Variants in AGPAT4 observed in about 807,000 individuals in gnomAD.
AGPAT4 encodes 1-acylglycerol-3-phosphate O-acyltransferase 4.
Under a neutral mutation model 48.0 loss-of-function variants are expected in AGPAT4, and 15 were observed. The ratio of observed to expected loss-of-function variants is 0.31; its 90% confidence interval spans 0.21 to 0.48. AGPAT4 has a LOEUF of 0.48. Ranked by LOEUF, AGPAT4 falls within the 20% of genes least tolerant of loss-of-function variation. AGPAT4 has a pLI of 0.99. For missense variants in AGPAT4, 314 were observed against 482.5 expected, an observed-to-expected ratio of 0.65 and a Z score of 3.27; for synonymous variants, 178 against 198.7, an observed-to-expected ratio of 0.90 and a Z score of 0.88.
At chr6:161,271,635 A>T (rs1430755372) in intron 1 of AGPAT4, among the ~76,000 whole-genome samples, 1 of 152,226 alleles carries the variant, frequency 6.6e-6, no homozygotes, top group Non-Finnish European at 1.5e-5. Context: ...TAACTGCTTT[A>T]ACCTCTACTC....
rs115181759 is a variant in AGPAT4 at position 161,217,044 on chromosome 6, G to A, written c.178+14992C>T. On this transcript the variant is annotated intron_variant, in intron 2 of 8. Coordinates refer to ENST00000320285, the MANE Select transcript of AGPAT4 (RefSeq NM_020133.3). This position sits in a 1 kb window ranked among gnomAD's most constrained non-coding sequence, Gnocchi z 4.9. Reference sequence around the variant, plus strand: ...ATGTTACACGTGTTCTTCACCTTCAGGCTTTCCTGTCCTTGTCAATTTCCG... The same window carrying A: ...ATGTTACACGTGTTCTTCACCTTCAAGCTTTCCTGTCCTTGTCAATTTCCG... Among the ~76,000 whole-genome samples, 1,111 of 152,254 alleles carry A rather than the reference G, an allele frequency of 7.3e-3. 15 individuals carry two copies. The highest frequency in any genetic ancestry group is 0.025 in the African/African-American group (1,052 of 41,552).
At position 161,144,702 on chromosome 6, in the gene AGPAT4, G is replaced by A. The variant is rs577188515; in HGVS notation, c.843+1822C>T. ...CGGCTAAAAGTAACATTTTCGGCTGGGCACGGTGGCTCACGCCTGTAATCC... is the reference window on the plus strand; with the variant it reads ...CGGCTAAAAGTAACATTTTCGGCTGAGCACGGTGGCTCACGCCTGTAATCC... On this transcript the variant is annotated intron_variant, in intron 7 of 8. Coordinates refer to ENST00000320285, the MANE Select transcript of AGPAT4 (RefSeq NM_020133.3). This position sits in a 1 kb window ranked among gnomAD's most constrained non-coding sequence, Gnocchi z 6.6. Among the ~76,000 whole-genome samples the A allele has an allele frequency of 2.0e-5, 3 of 152,122 alleles. No homozygotes were observed. Among genetic ancestry groups the A allele is most frequent in the African/African-American group, 7.2e-5 (3 of 41,424 alleles).
In AGPAT4 at chr6:161,166,936, TGA is replaced by T. The variant is rs1780117756; in HGVS notation, c.179-521_179-520del. Among the ~76,000 whole-genome samples the T allele has an allele frequency of 6.6e-6, 1 of 151,592 alleles. No homozygotes were observed. The highest frequency in any genetic ancestry group is 1.5e-5 in the Non-Finnish European group (1 of 67,890). The stretch of plus-strand genomic sequence containing the variant: ...CCCAGCACCTGCAGGGCAGCGGGAG[TGA>T]GAGTCAGCCCACAGCAGGTCTGAAG... On this transcript the variant is annotated intron_variant, in intron 2 of 8. Transcript: ENST00000320285. This position sits in a 1 kb window ranked among gnomAD's most constrained non-coding sequence, Gnocchi z 6.7.
rs553782320 is a variant in AGPAT4, at chr6:161,240,311, C to T, written c.-89-8009G>A. Among the ~76,000 whole-genome samples the T allele has an allele frequency of 6.6e-6, 1 of 151,900 alleles. No homozygotes were observed. Among genetic ancestry groups the T allele is most frequent in the South Asian group, 2.1e-4 (1 of 4,804 alleles). On this transcript the variant is annotated intron_variant, in intron 1 of 8. Coordinates refer to ENST00000320285, the MANE Select transcript of AGPAT4 (RefSeq NM_020133.3). This position sits in a 1 kb window ranked among gnomAD's most constrained non-coding sequence, Gnocchi z 5.5. ...CTGGAAGCCTGGGCTGGGTTCAAGA[C>T]TACAGCTTCAGCATCTTTATCCTTA...
rs1459101808 is a variant in AGPAT4, at chr6:161,218,470, T to A, written c.178+13566A>T. Among the ~76,000 whole-genome samples the A allele has an allele frequency of 2.0e-5, 3 of 152,206 alleles. No homozygotes were observed. Among genetic ancestry groups the A allele is most frequent in the Non-Finnish European group, 4.4e-5 (3 of 68,044 alleles). ...CAAGAATACCTTTACTTTACGTTTGTCTAGCACCTTACAATTTATTTCCCT... is the reference window on the plus strand; with the variant it reads ...CAAGAATACCTTTACTTTACGTTTGACTAGCACCTTACAATTTATTTCCCT... On this transcript the variant is annotated intron_variant, in intron 2 of 8. Coordinates refer to ENST00000320285, the MANE Select transcript of AGPAT4 (RefSeq NM_020133.3). This position sits in a 1 kb window ranked among gnomAD's most constrained non-coding sequence, Gnocchi z 4.7.
chr6:161,195,926 C>T lies in AGPAT4; in HGVS notation c.179-29509G>A, dbSNP rs1781054813. On this transcript the variant is annotated intron_variant, in intron 2 of 8. Coordinates refer to ENST00000320285, the MANE Select transcript of AGPAT4 (RefSeq NM_020133.3). This position sits in a 1 kb window ranked among gnomAD's most constrained non-coding sequence, Gnocchi z 5.0. ...AGGTCCGCTCCGATCCTATCTTTTC[C>T]CAAAGCTTCCTGACATTGATCAGGC... Among the ~76,000 whole-genome samples, 1 of 152,156 alleles carries T rather than the reference C, an allele frequency of 6.6e-6. No homozygotes were observed. The highest frequency in any genetic ancestry group is 6.5e-5 in the Admixed American group (1 of 15,270).
rs1779484992 is a variant in AGPAT4 at position 161,148,102 on chromosome 6, G to A, written c.767+1085C>T. Among the ~76,000 whole-genome samples the A allele has an allele frequency of 6.6e-6, 1 of 152,208 alleles. No homozygotes were observed. Among genetic ancestry groups the A allele is most frequent in the African/African-American group, 2.4e-5 (1 of 41,454 alleles). On this transcript the variant is annotated intron_variant, in intron 6 of 8. Coordinates refer to ENST00000320285, the MANE Select transcript of AGPAT4 (RefSeq NM_020133.3). The surrounding 1 kb of genome is among the most constrained non-coding windows in gnomAD (Gnocchi z 5.5). ...TTTTCCCAAATAACTGAGCCCAGCT[G>A]GCCATTGAGTGGAGCTCCTGCCAGC...
rs933958786 is a variant in AGPAT4 at position 161,254,402 on chromosome 6, T to C, written c.-90+19536A>G. On this transcript the variant is annotated intron_variant, in intron 1 of 8. Coordinates refer to ENST00000320285, the MANE Select transcript of AGPAT4 (RefSeq NM_020133.3). The surrounding 1 kb of genome is among the most constrained non-coding windows in gnomAD (Gnocchi z 5.9). Reference sequence around the variant, plus strand: ...CACATCAGCCTAACTGATAACACTATTGAGGGCATAAAGTAAGATGAACAA... The same window carrying C: ...CACATCAGCCTAACTGATAACACTACTGAGGGCATAAAGTAAGATGAACAA... Among the ~76,000 whole-genome samples the C allele has an allele frequency of 3.9e-5, 6 of 152,200 alleles. No homozygotes were observed. Among genetic ancestry groups the C allele is most frequent in the Non-Finnish European group, 7.3e-5 (5 of 68,040 alleles).
chr6:161,145,619 C>G (rs1298363206), intron 7 of AGPAT4, among the ~76,000 whole-genome samples: 1 of 151,586 alleles, frequency 6.6e-6, no homozygotes, highest in Admixed American at 6.6e-5. Context: ...GGACTAAAAT[C>G]CTAACACATT....
intron 8 of AGPAT4, 44 bp from the exon 9 acceptor site, chr6:161,136,678 C>G: frequency 6.5e-7 from 1 of 1,548,586 alleles, no homozygotes; most frequent in East Asian, 2.2e-5. Flanking sequence ...CCCAAACAGA[C>G]TACAGGGCCG....
In AGPAT4 at chr6:161,255,453, A is replaced by G. The variant is rs1782920748; in HGVS notation, c.-90+18485T>C. Among the ~76,000 whole-genome samples, 1 of 152,220 alleles carries G rather than the reference A, an allele frequency of 6.6e-6. No homozygotes were observed. The highest frequency in any genetic ancestry group is 1.5e-5 in the Non-Finnish European group (1 of 68,036). On this transcript the variant is annotated intron_variant, in intron 1 of 8. Coordinates refer to ENST00000320285, the MANE Select transcript of AGPAT4 (RefSeq NM_020133.3). The surrounding 1 kb of genome is among the most constrained non-coding windows in gnomAD (Gnocchi z 4.7). ...ACGGCAGCGTTGCTCTCGATAGCCA[A>G]AGGCCGAAACAGCCCCAGTGTTCAT...
At chr6:161,256,087 G>C (rs1397644428) in intron 1 of AGPAT4, among the ~76,000 whole-genome samples, 1 of 152,136 alleles carries the variant, frequency 6.6e-6, no homozygotes, top group African/African-American at 2.4e-5. Flanking sequence ...GGCAGAGCAA[G>C]GTGTCCAGGC....
intron 2 of AGPAT4, among the ~76,000 whole-genome samples, chr6:161,227,802 T>C (rs1291483053): frequency 1.3e-5 from 2 of 152,188 alleles, no homozygotes; most frequent in Admixed American, 6.5e-5. Flanking sequence ...TAAGAGGCAA[T>C]ATAGAGCTCA....
Position 161,147,976 on chromosome 6 carries a change from G to T in AGPAT4, c.767+1211C>A, listed in dbSNP as rs996665989. 6.6e-6 allele frequency among the ~76,000 whole-genome samples: 1 copy of T among 152,196 alleles called. No homozygotes were observed. The highest frequency in any genetic ancestry group is 1.5e-5 in the Non-Finnish European group (1 of 68,048). ...GGGTCAAGAGGGTGATCTGGCTTCG[G>T]TGAGTGAACGTGCCAGTACCATTTT... is the stretch of plus-strand genomic sequence containing the variant. On this transcript the variant is annotated intron_variant, in intron 6 of 8. Coordinates refer to ENST00000320285, the MANE Select transcript of AGPAT4 (RefSeq NM_020133.3). The surrounding 1 kb of genome is among the most constrained non-coding windows in gnomAD (Gnocchi z 4.8).
At position 161,261,115 on chromosome 6, in the gene AGPAT4, CAT is replaced by C. The variant is rs1320763578; in HGVS notation, c.-90+12821_-90+12822del. On this transcript the variant is annotated intron_variant, in intron 1 of 8. Coordinates refer to ENST00000320285, the MANE Select transcript of AGPAT4 (RefSeq NM_020133.3). This position sits in a 1 kb window ranked among gnomAD's most constrained non-coding sequence, Gnocchi z 5.3. ...TTTCTCCCACTGTTGACTTGCCAAA[CAT>C]GTGTTTATCCTTCCAACCCCTGCTT... 5.3e-5 allele frequency among the ~76,000 whole-genome samples: 8 copies of C among 152,184 alleles called. No homozygotes were observed. Among genetic ancestry groups the C allele is most frequent in the African/African-American group, 9.7e-5 (4 of 41,440 alleles).
At position 161,264,735 on chromosome 6, in the gene AGPAT4, G is replaced by A. The variant is rs574920788; in HGVS notation, c.-90+9203C>T. Among the ~76,000 whole-genome samples, 6 of 152,248 alleles carry A rather than the reference G, an allele frequency of 3.9e-5. No homozygotes were observed. In the East Asian group the frequency reaches 1.2e-3, roughly 29 times the overall value. ...AACGCTGAAAGGGGATTCTGGAGTT[G>A]GGTGGGGAGTTGGAATAACTGACCC... On this transcript the variant is annotated intron_variant, in intron 1 of 8. Transcript: ENST00000320285. The surrounding 1 kb of genome is among the most constrained non-coding windows in gnomAD (Gnocchi z 6.8).
rs185850302 is a variant in AGPAT4 at position 161,254,144 on chromosome 6, G to A, written c.-90+19794C>T. ...ATTCTATCAAAAGTATTAACCACTT[G>A]GTCAATATATTTAACTTTTTTTAAA... On this transcript the variant is annotated intron_variant, in intron 1 of 8. Transcript: ENST00000320285. This position sits in a 1 kb window ranked among gnomAD's most constrained non-coding sequence, Gnocchi z 5.9. Among the ~76,000 whole-genome samples the A allele has an allele frequency of 1.9e-4, 29 of 151,962 alleles. No homozygotes were observed. The East Asian group carries it at 5.4e-3, about 28-fold the overall frequency.
chr6:161,230,845 A>G (rs1731848232), intron 2 of AGPAT4, among the ~76,000 whole-genome samples: 1 of 152,226 alleles, frequency 6.6e-6, no homozygotes, highest in Admixed American at 6.5e-5. Context: ...CAAGACATGG[A>G]AGCTCTTGCA....
chr6:161,149,182 C>T lies in AGPAT4; in HGVS notation c.767+5G>A. On this transcript the variant is annotated splice_donor_5th_base_variant and intron_variant, in intron 6 of 8. Transcript: ENST00000320285. This position sits in a 1 kb window ranked among gnomAD's most constrained non-coding sequence, Gnocchi z 6.5. ...CTTTTCTGGAAAGGAAACAGTTCGA[C>T]TTACCTAACATACAAATCTGCATGG... 1.2e-6 allele frequency: 2 copies of T among 1,611,240 alleles called. No homozygotes were observed. Among genetic ancestry groups the T allele is most frequent in the Non-Finnish European group, 1.7e-6 (2 of 1,179,366 alleles).
Sources: allele counts gnomAD v4.1 joint callset (sites outside exome capture counted in the v4.1 genomes callset), GRCh38; gene constraint gnomAD v4.1.1; non-coding constraint Gnocchi (gnomAD v3.1); transcripts MANE v1.5; gene names NCBI Gene and HGNC (gene_info 2026-07-23, HGNC 2026-07-21).